The following LARP4 variants were observed in gnomAD, a reference collection of about 807,000 sequenced individuals.
LARP4 encodes the protein La ribonucleoprotein 4, also known as la-related protein 4.
In LARP4, 29 loss-of-function variants were observed where a neutral mutation model predicts 92.9. The ratio of observed to expected loss-of-function variants is 0.31; its 90% CI spans 0.23 to 0.43. The LOEUF is 0.43. LARP4 is among the 20% of genes least tolerant of loss of function. LARP4 has a pLI of 1.00. For missense variants in LARP4, 732 were observed against 860.0 expected (o/e 0.85, Z 1.86); for synonymous variants, 279 against 284.1 (o/e 0.98, Z 0.18).
chr12:50,411,882 C>T (rs1945971059), intron 1 of LARP4, among the ~76,000 whole-genome samples: 1 of 152,058 alleles, frequency 6.6e-6, no homozygotes, highest in Admixed American at 6.6e-5. Flanking sequence ...GGGGTTTCAC[C>T]TTGTCGGCCA....
At chr12:50,403,811 T>G (rs1944307336) in intron 1 of LARP4, among the ~76,000 whole-genome samples, 1 of 152,210 alleles carries the variant, frequency 6.6e-6, no homozygotes, top group South Asian at 2.1e-4. Flanking sequence ...ATAACAACAG[T>G]AGTAGTATAT....
intron 14 of LARP4, among the ~76,000 whole-genome samples, chr12:50,473,764 G>A (rs953317504): frequency 2.2e-5 from 3 of 135,188 alleles, no homozygotes; most frequent in African/African-American, 5.4e-5. Context: ...TAATCAGGAG[G>A]CTAAGGCAGG....
intron 1 of LARP4, among the ~76,000 whole-genome samples, chr12:50,408,704 A>G (rs1238442243): frequency 6.6e-6 from 1 of 152,180 alleles, no homozygotes; most frequent in Non-Finnish European, 1.5e-5. Context: ...TTTCCTTCTC[A>G]AAAGTATTCT....
rs150247290 is a variant in LARP4 at position 50,476,497 on chromosome 12, T to C, written c.*633T>C. The C allele has an allele frequency of 2.4e-3, 370 of 152,662 alleles. 2 individuals are homozygous for C. The highest frequency in any genetic ancestry group is 3.2e-3 in the Non-Finnish European group (221 of 68,024). 9.5% of individuals were successfully genotyped at this position (152,662 alleles called of 1,614,324 possible). A position where few individuals can be genotyped will look rare whatever the true frequency, so the allele number is the denominator to read the frequency against. ...TAGATTTTTTTTTCTAGTTTGAAAT[T>C]TAGTCTGTCTTTTTGACCTTACTAA... On this transcript the variant is annotated 3_prime_UTR_variant, in exon 16 of 16. Coordinates refer to ENST00000398473, the MANE Select transcript of LARP4 (RefSeq NM_052879.5).
chr12:50,451,182 C>A (rs1002639432), intron 8 of LARP4, among the ~76,000 whole-genome samples: 1 of 152,186 alleles, frequency 6.6e-6, no homozygotes, highest in Non-Finnish European at 1.5e-5. Flanking sequence ...TTTCTTCTAA[C>A]ACAAACTTTA....
chr12:50,467,096 T>C lies in LARP4; in HGVS notation c.1521T>C (p.Val507=). The change falls in exon 13 of 16, where the codon GTT becomes GTC. Residue 507 remains valine (V), a synonymous_variant. Coordinates refer to ENST00000398473, the MANE Select transcript of LARP4 (RefSeq NM_052879.5). ...TTTTGGAGAATAGGATGTCTGATGT[T>C]GTTAAAGGTGTCTACAAAGAAAAGG... ...ELVLENRMSD[V]VKGVYKEKDN... is the part of the protein sequence containing the mutation. The C allele has an allele frequency of 6.2e-7, 1 of 1,607,858 alleles. No homozygotes were observed.
intron 1 of LARP4, among the ~76,000 whole-genome samples, chr12:50,415,997 G>A (rs909399235): frequency 6.6e-6 from 1 of 151,380 alleles, no homozygotes; most frequent in African/African-American, 2.4e-5. Context: ...GTGAGCCACC[G>A]CCCCCACCCT....
chr12:50,409,026 A>G (rs932236728), intron 1 of LARP4, among the ~76,000 whole-genome samples: 9 of 152,128 alleles, frequency 5.9e-5, no homozygotes, highest in African/African-American at 2.2e-4. Context: ...GTAAATTTAT[A>G]GGGCAGAAAG....
intron 1 of LARP4, among the ~76,000 whole-genome samples, chr12:50,425,701 C>G (rs1948605669): frequency 6.6e-6 from 1 of 152,062 alleles, no homozygotes; most frequent in African/African-American, 2.4e-5. Flanking sequence ...GAGGTGGACC[C>G]CAGCTTTGCC....
chr12:50,454,152 A>G (rs1953789358), intron 9 of LARP4, among the ~76,000 whole-genome samples, 162 bp from the exon 10 acceptor site: 1 of 152,172 alleles, frequency 6.6e-6, no homozygotes, highest in African/African-American at 2.4e-5. Context: ...TCATAAATCC[A>G]GTGGTACTTG....
chr12:50,437,711 G>T, intron 5 of LARP4, 24 bp from the exon 6 acceptor site: 2 of 1,347,632 alleles, frequency 1.5e-6, no homozygotes, highest in Non-Finnish European at 2.1e-6. Context: ...ACGTTTGAGT[G>T]ATACCCTTTC....
At chr12:50,408,629 A>G (rs1347473304) in intron 1 of LARP4, among the ~76,000 whole-genome samples, 7 of 152,168 alleles carry the variant, frequency 4.6e-5, no homozygotes, top group African/African-American at 1.7e-4. Context: ...AGATGATCTT[A>G]CCTGCTATTT....
intron 13 of LARP4, among the ~76,000 whole-genome samples, chr12:50,468,026 A>G (rs987252302): frequency 2.0e-5 from 3 of 151,492 alleles, no homozygotes; most frequent in African/African-American, 4.9e-5. Context: ...TGTAACCTAG[A>G]CTGGAATGCA....
Position 50,427,991 on chromosome 12 carries a change from C to CTTT in LARP4, c.166+83_166+84insTTT. ...CAAGTTTACTGAACTTGAGACACAT[C>CTTT]TCTTTTTTTTTTTTTTTTTTTTGAG... On this transcript the variant is annotated intron_variant, in intron 2 of 15. Coordinates refer to ENST00000398473, the MANE Select transcript of LARP4 (RefSeq NM_052879.5). 1.9e-5 allele frequency: 8 copies of CTTT among 413,390 alleles called. No individual in the cohort carries two copies. In the South Asian group the frequency reaches 2.0e-4, roughly 10 times the overall value. 25.6% of individuals were successfully genotyped at this position (413,390 alleles called of 1,614,324 possible). A position where few individuals can be genotyped will look rare whatever the true frequency, so the allele number is the denominator to read the frequency against.
chr12:50,463,487 A>G (rs1955742983), intron 12 of LARP4, among the ~76,000 whole-genome samples: 1 of 150,590 alleles, frequency 6.6e-6, no homozygotes, highest in South Asian at 2.1e-4. Context: ...TGTCCCAGCT[A>G]CTTGGGAGGC....
intron 1 of LARP4, among the ~76,000 whole-genome samples, chr12:50,419,374 A>AG (rs1565962864): frequency 6.6e-6 from 1 of 151,734 alleles, no homozygotes; most frequent in Non-Finnish European, 1.5e-5. Context: ...CAAAACAGGT[A>AG]GGGAAAAAAA....
At chr12:50,456,920 ATTT>A (rs35641350) in intron 10 of LARP4, among the ~76,000 whole-genome samples, 84 of 151,362 alleles carry the variant, frequency 5.5e-4, no homozygotes, top group Non-Finnish European at 8.4e-4. Flanking sequence ...GGTAATATAA[ATTT>A]TTTTTTTTGA....
At chr12:50,443,649 C>A (rs1951578476) in intron 8 of LARP4, among the ~76,000 whole-genome samples, 1 of 151,972 alleles carries the variant, frequency 6.6e-6, no homozygotes, top group Non-Finnish European at 1.5e-5. Context: ...TTCACTCTTA[C>A]CACCCAGGCT....
intron 12 of LARP4, among the ~76,000 whole-genome samples, chr12:50,464,648 C>T (rs1207041060): frequency 1.3e-5 from 2 of 152,080 alleles, no homozygotes; most frequent in African/African-American, 4.8e-5. Context: ...CTGCCTTGGC[C>T]TCCCAGAGTG....
Sources: gnomAD v4.1 joint callset for allele counts (sites outside exome capture counted in the v4.1 genomes callset) on GRCh38, gnomAD v4.1.1 for gene constraint, MANE v1.5 for transcripts, NCBI Gene and HGNC (gene_info 2026-07-23, HGNC 2026-07-21) for gene names.